Variants in UBE2K observed in about 807,000 individuals in gnomAD.
UBE2K encodes ubiquitin conjugating enzyme E2 K, also known as ubiquitin-conjugating enzyme E2 K.
UBE2K carries 6 observed loss-of-function variants against 30.0 expected under a neutral mutation model. The ratio of observed to expected loss-of-function variants is 0.20; its 90% CI spans 0.11 to 0.39. UBE2K has a LOEUF of 0.39. Among genes scored for constraint, UBE2K ranks in the 10% least tolerant of loss-of-function variants. The pLI is 1.00. For synonymous variants in UBE2K, 86 were observed against 83.7 expected (o/e 1.03, Z -0.15); for missense variants, 61 against 241.6 (o/e 0.25, Z 4.96).
chr4:39,714,526 A>C (rs1175490599), intron 1 of UBE2K: 6 of 25,998 alleles, frequency 2.3e-4, no homozygotes, highest in African/African-American at 6.9e-4. Flanking sequence ...TCATATATAT[A>C]TATATATATA....
intron 3 of UBE2K, among the ~76,000 whole-genome samples, chr4:39,752,400 A>G (rs1288251438): frequency 3.0e-5 from 4 of 133,378 alleles, no homozygotes; most frequent in Non-Finnish European, 6.1e-5. Context: ...GCAGTGGCAC[A>G]ATCTCGGCTC....
chr4:39,749,838 A>G (rs1721164514), intron 3 of UBE2K, among the ~76,000 whole-genome samples: 1 of 152,158 alleles, frequency 6.6e-6, no homozygotes. Flanking sequence ...TTTCTTTTGT[A>G]TGATAAGGGA....
chr4:39,711,654 AT>A (rs1353924181), intron 1 of UBE2K, among the ~76,000 whole-genome samples: 1 of 151,916 alleles, frequency 6.6e-6, no homozygotes, highest in Non-Finnish European at 1.5e-5. Context: ...TAGGAAGTAG[AT>A]TTGTAAGACC....
At chr4:39,757,026 T>G (rs1348542068) in intron 4 of UBE2K, among the ~76,000 whole-genome samples, 1 of 59,034 alleles carries the variant, frequency 1.7e-5, no homozygotes, top group African/African-American at 7.0e-5. Context: ...TTGTTTTTTG[T>G]TTTTTGTTTT....
intron 1 of UBE2K, chr4:39,714,380 G>T: frequency 5.8e-6 from 1 of 171,650 alleles, no homozygotes. Flanking sequence ...GTCAGAATAG[G>T]GCTCCTGGGA....
chr4:39,771,333 C>G (rs1712814754), intron 4 of UBE2K: 1 of 1,612,518 alleles, frequency 6.2e-7, no homozygotes, highest in Admixed American at 1.7e-5. Context: ...CCACAATGGT[C>G]ACGTCGCAGA....
chr4:39,751,824 G>A (rs997616628), intron 3 of UBE2K, among the ~76,000 whole-genome samples: 1 of 151,844 alleles, frequency 6.6e-6, no homozygotes, highest in South Asian at 2.1e-4. Context: ...AAAATTAGTC[G>A]GGTGTGGTGG....
intron 1 of UBE2K, among the ~76,000 whole-genome samples, chr4:39,704,994 CTGAGTAGCTGGGATTACAGGCA>C (rs1718258731): frequency 6.6e-6 from 1 of 151,452 alleles, no homozygotes. Flanking sequence ...TCTCAGCCTC[CTGAGTAGCTGGGATTACAGGCA>C]TGTGCCAGCA....
intron 1 of UBE2K, chr4:39,714,550 A>ATATTTATATATATATATATTTTTTTT: frequency 5.6e-5 from 1 of 17,844 alleles, no homozygotes; most frequent in African/African-American, 2.5e-4. Flanking sequence ...ATATATATAT[A>ATATTTATATATATATATATTTTTTTT]TTTTTTTTTT....
chr4:39,770,699 C>G lies in UBE2K; in HGVS notation c.300-4135C>G, dbSNP rs567886275. ...CCACAGTGCTGGGGGGCACGCTGCT[C>G]TGGGCCAGCTCCCCAAGGTGGCCAC... On this transcript the variant is annotated intron_variant, in intron 4 of 6. Coordinates refer to ENST00000261427, the MANE Select transcript of UBE2K (RefSeq NM_005339.5). The G allele has an allele frequency of 7.6e-6, 12 of 1,572,956 alleles. No individual in the cohort carries two copies. In the South Asian group the frequency reaches 1.2e-4, roughly 16 times the overall value.
In UBE2K at chr4:39,779,182, G is replaced by A. The variant is rs776737340; in HGVS notation, c.*748G>A. 11 of 151,998 alleles carry A rather than the reference G, an allele frequency of 7.2e-5. No individual in the cohort carries two copies. Among genetic ancestry groups the A allele is most frequent in the Non-Finnish European group, 1.6e-4 (11 of 68,016 alleles). The allele number at this position is 151,998 out of a possible 1,614,324, so 9.4% of individuals were successfully genotyped here. On this transcript the variant is annotated 3_prime_UTR_variant, in exon 7 of 7. Transcript: ENST00000261427. ...CGTAGGTTTGGAATGTCTTGTCCCA[G>A]TTCTTCAAACACTCTTAAATTTTTC...
chr4:39,774,853 C>T lies in UBE2K; in HGVS notation c.319C>T (p.Arg107Cys). 1.9e-6 allele frequency: 3 copies of T among 1,570,472 alleles called. No homozygotes were observed. Among genetic ancestry groups the T allele is most frequent in the Non-Finnish European group, 2.6e-6 (3 of 1,150,566 alleles). ...KDQWAAAMTL[R>C]TVLLSLQALL... ...TTTTAGGGCAGCTGCAATGACTCTC[C>T]GCACGGTATTATTGTCATTGCAAGC... is the stretch of plus-strand genomic sequence containing the variant. The change falls in exon 5 of 7, where the codon CGC (arginine) becomes TGC (cysteine). Residue 107 changes from arginine (R) to cysteine (C), a missense_variant. Arg to Cys is a radical substitution (Grantham distance 180). Coordinates refer to ENST00000261427, the MANE Select transcript of UBE2K (RefSeq NM_005339.5).
At chr4:39,714,777 C>G (rs924788978) in intron 1 of UBE2K, among the ~76,000 whole-genome samples, 1 of 151,014 alleles carries the variant, frequency 6.6e-6, no homozygotes, top group Non-Finnish European at 1.5e-5. Context: ...TCTCGATCTC[C>G]TGACCTCGTG....
At chr4:39,718,646 G>T (rs900278120) in intron 1 of UBE2K, among the ~76,000 whole-genome samples, 2 of 152,236 alleles carry the variant, frequency 1.3e-5, no homozygotes, top group African/African-American at 4.8e-5. Context: ...GCCCTGCCCC[G>T]TGGGGAGGCA....
At chr4:39,768,931 C>T (rs1712541427) in intron 4 of UBE2K, among the ~76,000 whole-genome samples, 1 of 152,092 alleles carries the variant, frequency 6.6e-6, no homozygotes, top group African/African-American at 2.4e-5. Flanking sequence ...GATCTCAGCT[C>T]ACTGCAACCT....
rs542212430 is a variant in UBE2K, at chr4:39,751,186, A to G, written c.217-4471A>G. ...TCGAACTCCTGAGCTTAAGCAGCCC[A>G]CCTGCCTTGGCTTCCCAAACTGCTA... On this transcript the variant is annotated intron_variant, in intron 3 of 6. Coordinates refer to ENST00000261427, the MANE Select transcript of UBE2K (RefSeq NM_005339.5). 1.3e-3 allele frequency among the ~76,000 whole-genome samples: 199 copies of G among 151,718 alleles called. 1 individual carries two copies. The highest frequency in any genetic ancestry group is 3.7e-3 in the South Asian group (18 of 4,810).
chr4:39,704,777 A>G lies in UBE2K; in HGVS notation c.63+6387A>G, dbSNP rs545669508. 2.6e-5 allele frequency among the ~76,000 whole-genome samples: 4 copies of G among 150,972 alleles called. No individual in the cohort carries two copies. The South Asian group carries it at 8.4e-4, about 32-fold the overall frequency. ...GGCTGGTCTCGAACTCCTGGACTGA[A>G]GTGATCCTCCGGCCTTGGCCACCTG... On this transcript the variant is annotated intron_variant, in intron 1 of 6. Transcript: ENST00000261427.
At chr4:39,770,152 G>T in intron 4 of UBE2K, 5 of 1,604,078 alleles carry the variant, frequency 3.1e-6, no homozygotes, top group Non-Finnish European at 4.2e-6. Flanking sequence ...TTGCCGTGTT[G>T]CTCCTTGAGA....
At chr4:39,772,650 G>A (rs551491182) in intron 4 of UBE2K, among the ~76,000 whole-genome samples, 121 of 151,468 alleles carry the variant, frequency 8.0e-4, no homozygotes, top group Non-Finnish European at 1.3e-3. Flanking sequence ...TTTTTAATAT[G>A]TCCACATATT....
Sources: allele counts gnomAD v4.1 joint callset (sites outside exome capture counted in the v4.1 genomes callset), GRCh38; gene constraint gnomAD v4.1.1; transcripts MANE v1.5; gene names NCBI Gene and HGNC (gene_info 2026-07-23, HGNC 2026-07-21).